Variants in ANKS1B observed in about 807,000 individuals in gnomAD.
ANKS1B encodes ankyrin repeat and sterile alpha motif domain-containing protein 1B.
In ANKS1B, 36 loss-of-function variants were observed where a neutral mutation model predicts 148.3. The observed-to-expected ratio is 0.24, with a 90% confidence interval of 0.19 to 0.32. The LOEUF is 0.32. ANKS1B is among the 10% of genes least tolerant of loss of function. The pLI, the probability that ANKS1B is intolerant of heterozygous loss-of-function variation, is 1.00. For synonymous variants in ANKS1B, 542 were observed against 560.8 expected (o/e 0.97, Z 0.47); for missense variants, 1,157 against 1,542.6 (o/e 0.75, Z 4.19).
rs142051220 is a variant in ANKS1B at position 99,712,595 on chromosome 12, T to A, written c.1129-57385A>T. ...AGCTTAAAAGTCCCAAACCTTATCATCTAAAGGATCTATGGGTGAGGCTCT... is the reference window on the plus strand; with the variant it reads ...AGCTTAAAAGTCCCAAACCTTATCAACTAAAGGATCTATGGGTGAGGCTCT... On this transcript the variant is annotated intron_variant, in intron 8 of 26. Coordinates refer to ENST00000683438, the MANE Select transcript of ANKS1B (RefSeq NM_001352186.2). 7.4e-3 allele frequency among the ~76,000 whole-genome samples: 1,120 copies of A among 152,340 alleles called. 8 individuals carry two copies. The highest frequency in any genetic ancestry group is 0.019 in the South Asian group (92 of 4,832).
chr12:98,930,843 C>T (rs553699840), intron 17 of ANKS1B, among the ~76,000 whole-genome samples: 1 of 151,910 alleles, frequency 6.6e-6, no homozygotes, highest in African/African-American at 2.4e-5. Context: ...TGTGAGTACA[C>T]GAAAACCACT....
chr12:99,826,449 T>C (rs984988439), intron 1 of ANKS1B, among the ~76,000 whole-genome samples: 1 of 152,120 alleles, frequency 6.6e-6, no homozygotes, highest in Non-Finnish European at 1.5e-5. Flanking sequence ...TATTTGACAG[T>C]TAATTAAAAG....
chr12:98,811,299 G>C (rs938352573), intron 19 of ANKS1B, among the ~76,000 whole-genome samples: 3 of 152,124 alleles, frequency 2.0e-5, no homozygotes, highest in Non-Finnish European at 4.4e-5. Context: ...CCCTGAAGGG[G>C]ACCCAGGGGG....
At chr12:99,034,028 A>T (rs1311170804) in intron 17 of ANKS1B, among the ~76,000 whole-genome samples, 3 of 152,222 alleles carry the variant, frequency 2.0e-5, no homozygotes, top group Non-Finnish European at 4.4e-5. Flanking sequence ...GCAGGTGCGA[A>T]AGGGAATGAC....
chr12:99,402,487 T>G (rs1313456821), intron 11 of ANKS1B, among the ~76,000 whole-genome samples: 1 of 145,416 alleles, frequency 6.9e-6, no homozygotes, highest in Non-Finnish European at 1.5e-5. Context: ...CACCATCTGA[T>G]AGGCCCCAGT....
At chr12:98,800,499 T>C (rs1306179142) in intron 21 of ANKS1B, among the ~76,000 whole-genome samples, 1 of 151,984 alleles carries the variant, frequency 6.6e-6, no homozygotes, top group Non-Finnish European at 1.5e-5. Flanking sequence ...CAGCTAATTA[T>C]AATTAATTCC....
chr12:99,560,840 CTTTTTTTTT>C lies in ANKS1B; in HGVS notation c.1273-56208_1273-56200del, dbSNP rs58588885. Among the ~76,000 whole-genome samples the C allele has an allele frequency of 4.6e-3, 334 of 71,938 alleles. 1 individual carries two copies. The highest frequency in any genetic ancestry group is 0.016 in the African/African-American group (322 of 20,616). The allele number at this position is 71,938 out of a possible 152,430, so 47.2% of individuals were successfully genotyped here. ...TGCAATGGCAATTTCTTTCTTTTTT[CTTTTTTTTT>C]TTTTTTTTTTTTTTTGAGACGGAGT... On this transcript the variant is annotated intron_variant, in intron 9 of 26. Coordinates refer to ENST00000683438, the MANE Select transcript of ANKS1B (RefSeq NM_001352186.2).
intron 12 of ANKS1B, among the ~76,000 whole-genome samples, chr12:99,326,997 AATAC>A (rs2086434366): frequency 7.1e-6 from 1 of 139,882 alleles, no homozygotes; most frequent in African/African-American, 2.7e-5. Context: ...TATAATATAT[AATAC>A]ATAATTTATA....
chr12:98,905,485 C>G (rs1475673018), intron 17 of ANKS1B, among the ~76,000 whole-genome samples: 1 of 152,122 alleles, frequency 6.6e-6, no homozygotes, highest in Non-Finnish European at 1.5e-5. Context: ...AACCCTCTCT[C>G]AGGGCTGGGC....
At chr12:98,965,908 TA>T (rs1190361358) in intron 17 of ANKS1B, among the ~76,000 whole-genome samples, 1 of 152,186 alleles carries the variant, frequency 6.6e-6, no homozygotes, top group Non-Finnish European at 1.5e-5. Context: ...CAAGATGGAT[TA>T]AAGACTTAAA....
chr12:98,845,149 A>C (rs747249042), intron 17 of ANKS1B, among the ~76,000 whole-genome samples: 1 of 152,224 alleles, frequency 6.6e-6, no homozygotes, highest in Non-Finnish European at 1.5e-5. Context: ...GAATAATTTT[A>C]CCAAATAAAT....
At chr12:99,630,766 G>C (rs146185924) in intron 9 of ANKS1B, among the ~76,000 whole-genome samples, 4 of 152,164 alleles carry the variant, frequency 2.6e-5, no homozygotes, top group Non-Finnish European at 5.9e-5. Flanking sequence ...GTGATGCCCC[G>C]CGTTGCCTTG....
Position 99,212,849 on chromosome 12 carries a change from C to T in ANKS1B, c.2419+31493G>A, listed in dbSNP as rs532989735. 6.6e-5 allele frequency among the ~76,000 whole-genome samples: 10 copies of T among 152,304 alleles called. No individual in the cohort carries two copies. In the East Asian group the frequency reaches 1.9e-3, roughly 29 times the overall value. ...GTGCTCTATTTACAGAGTGCCTACG[C>T]TTGTGCTAAATCACTTCACATTCAT... On this transcript the variant is annotated intron_variant, in intron 14 of 26. Coordinates refer to ENST00000683438, the MANE Select transcript of ANKS1B (RefSeq NM_001352186.2).
In ANKS1B at chr12:99,593,376, A is replaced by C. The variant is rs2097723667; in HGVS notation, c.1272+61691T>G. 2.6e-5 allele frequency among the ~76,000 whole-genome samples: 4 copies of C among 152,268 alleles called. No homozygotes were observed. In the South Asian group the frequency reaches 8.3e-4, roughly 32 times the overall value. On this transcript the variant is annotated intron_variant, in intron 9 of 26. Coordinates refer to ENST00000683438, the MANE Select transcript of ANKS1B (RefSeq NM_001352186.2). ...TGCAGTCAGAATCTTGTGATTCTGA[A>C]TTTTAGTTTCCTATTGAAAAAAGTT...
intron 19 of ANKS1B, among the ~76,000 whole-genome samples, chr12:98,810,984 A>G (rs1247595124): frequency 6.6e-6 from 1 of 152,212 alleles, no homozygotes; most frequent in Admixed American, 6.5e-5. Flanking sequence ...CCCTGCCCCA[A>G]GCTCTACCTA....
chr12:99,328,564 G>T (rs938319679), intron 12 of ANKS1B, among the ~76,000 whole-genome samples: 2 of 151,830 alleles, frequency 1.3e-5, no homozygotes, highest in African/African-American at 2.4e-5. Context: ...GTATTGCTGT[G>T]TTCTGGCCTA....
At chr12:99,084,118 A>G (rs1020204313) in intron 16 of ANKS1B, among the ~76,000 whole-genome samples, 1 of 152,186 alleles carries the variant, frequency 6.6e-6, no homozygotes, top group Non-Finnish European at 1.5e-5. Flanking sequence ...AACTATAAAT[A>G]CATGATGGGG....
At chr12:99,301,647 C>T (rs1398206340) in intron 12 of ANKS1B, among the ~76,000 whole-genome samples, 1 of 152,058 alleles carries the variant, frequency 6.6e-6, no homozygotes, top group Admixed American at 6.6e-5. Flanking sequence ...ATGCTATGAA[C>T]CAGGCACTGA....
At chr12:99,951,231 T>C (rs2095214702) in intron 1 of ANKS1B, among the ~76,000 whole-genome samples, 2 of 152,246 alleles carry the variant, frequency 1.3e-5, no homozygotes, top group East Asian at 1.9e-4. Flanking sequence ...CAGAATGACA[T>C]GGCTGGTATT....
Sources: gnomAD v4.1 joint callset for allele counts (sites outside exome capture counted in the v4.1 genomes callset) on GRCh38, gnomAD v4.1.1 for gene constraint, MANE v1.5 for transcripts, NCBI Gene and HGNC (gene_info 2026-07-23, HGNC 2026-07-21) for gene names.